COL16A1: variants seen among roughly 807,000 people sequenced by gnomAD.
The protein encoded by COL16A1 is collagen type XVI alpha 1 chain.
Under a neutral mutation model 266.3 loss-of-function variants are expected in COL16A1, and 189 were observed. The ratio of observed to expected loss-of-function variants is 0.71; its 90% CI spans 0.63 to 0.80. The LOEUF is 0.80. Among genes scored for constraint, COL16A1 ranks in the 30% least tolerant of loss-of-function variants. COL16A1 has a pLI of 0.00. For synonymous variants in COL16A1, 740 were observed against 782.3 expected, an observed-to-expected ratio of 0.95 and a Z score of 0.90; for missense variants, 1,928 against 2,122.4, an observed-to-expected ratio of 0.91 and a Z score of 1.80.
At chr1:31,684,997 G>A (rs1452887329) in intron 29 of COL16A1, 141 bp from the exon 30 acceptor site, 11 of 1,520,342 alleles carry the variant, frequency 7.2e-6, no homozygotes, top group South Asian at 3.5e-5. Context: ...TCTTGCCCAG[G>A]TGCAGAGCAA....
At chr1:31,669,549 C>T (rs1642460522) in intron 49 of COL16A1, among the ~76,000 whole-genome samples, 1 of 151,964 alleles carries the variant, frequency 6.6e-6, no homozygotes, top group Non-Finnish European at 1.5e-5. Context: ...ACGCCCAAAC[C>T]TTTCCATGAC....
chr1:31,698,476 G>A lies in COL16A1; in HGVS notation c.390+7C>T. The A allele has an allele frequency of 6.2e-7, 1 of 1,614,152 alleles. No homozygotes were observed. Among genetic ancestry groups the A allele is most frequent in the Non-Finnish European group, 8.5e-7 (1 of 1,180,000 alleles). On this transcript the variant is annotated splice_region_variant and intron_variant, in intron 5 of 70. Coordinates refer to ENST00000373672, the MANE Select transcript of COL16A1 (RefSeq NM_001856.4). The surrounding 1 kb of genome is among the most constrained non-coding windows in gnomAD (Gnocchi z 4.1). ...TAAGAGGCAATCAGGGCACAGGGGA[G>A]GTTCACCTGTGGATACCCATTTGCA...
rs116790331 is a variant in COL16A1, at chr1:31,653,832, A to T, written c.4534+35T>A. ...ATACTTAGGCCTGCCCCAAAGAATT[A>T]CATGTGTCCCTTGGGAACTGTAGGG... On this transcript the variant is annotated intron_variant, in intron 69 of 70. Coordinates refer to ENST00000373672, the MANE Select transcript of COL16A1 (RefSeq NM_001856.4). 6.3e-6 allele frequency: 10 copies of T among 1,590,988 alleles called. No homozygotes were observed. In the African/African-American group the frequency reaches 1.3e-4, roughly 21 times the overall value.
chr1:31,675,059 G>A lies in COL16A1; in HGVS notation c.2827-20C>T. 2 of 1,613,178 alleles carry A rather than the reference G, an allele frequency of 1.2e-6. No homozygotes were observed. The highest frequency in any genetic ancestry group is 2.2e-5 in the South Asian group (2 of 90,782). ...GGATCCCTGCAAGAGACAGATGTGT[G>A]GGCTCAAGCAGGTGAGGGGAAGGAA... On this transcript the variant is annotated intron_variant, in intron 43 of 70. Coordinates refer to ENST00000373672, the MANE Select transcript of COL16A1 (RefSeq NM_001856.4).
rs577434845 is a variant in COL16A1, at chr1:31,701,449, G to T, written c.73+672C>A. On this transcript the variant is annotated intron_variant, in intron 2 of 70. Coordinates refer to ENST00000373672, the MANE Select transcript of COL16A1 (RefSeq NM_001856.4). ...TTTTCTGCTTTTCCTAGCTGGGTTT[G>T]GGTCCTAGGAGTTCTGTTCCTGCTT... 1.4e-5 allele frequency: 14 copies of T among 985,380 alleles called. No homozygotes were observed. The East Asian group carries it at 1.4e-3, about 96-fold the overall frequency. 61.0% of individuals were successfully genotyped at this position (985,380 alleles called of 1,614,324 possible).
At position 31,668,093 on chromosome 1, in the gene COL16A1, G is replaced by A; in HGVS notation, c.3303+72C>T. 7.2e-7 allele frequency: 1 copy of A among 1,394,558 alleles called. No individual in the cohort carries two copies. The highest frequency in any genetic ancestry group is 1.0e-6 in the Non-Finnish European group (1 of 1,002,140). The allele number at this position is 1,394,558 out of a possible 1,614,324, so 86.4% of individuals were successfully genotyped here. ...AGCCCGCCGAGGGTTGCCCAGCCTG[G>A]CTGTGTCCTGACCACCAGCCCAAAC... On this transcript the variant is annotated intron_variant, in intron 51 of 70. Coordinates refer to ENST00000373672, the MANE Select transcript of COL16A1 (RefSeq NM_001856.4). The surrounding 1 kb of genome is among the most constrained non-coding windows in gnomAD (Gnocchi z 5.8).
In COL16A1 at chr1:31,656,333, G is replaced by A. The variant is rs1557605049; in HGVS notation, c.4101+67C>T. On this transcript the variant is annotated intron_variant, in intron 66 of 70. Coordinates refer to ENST00000373672, the MANE Select transcript of COL16A1 (RefSeq NM_001856.4). This position sits in a 1 kb window ranked among gnomAD's most constrained non-coding sequence, Gnocchi z 4.2. ...GTGTCTCCTCTCTGTGGCTAAAGCC[G>A]TAACTTGCAGCTGGGCTTCATCCAC... 26 of 1,584,412 alleles carry A rather than the reference G, an allele frequency of 1.6e-5. No homozygotes were observed. The highest frequency in any genetic ancestry group is 1.7e-4 in the Middle Eastern group (1 of 6,036).
rs1307107912 is a variant in COL16A1 at position 31,664,166 on chromosome 1, AGG to A, written c.3555+1004_3555+1005del. Among the ~76,000 whole-genome samples the A allele has an allele frequency of 5.8e-5, 1 of 17,212 alleles. No individual in the cohort carries two copies. The highest frequency in any genetic ancestry group is 2.7e-3 in the Admixed American group (1 of 366). The allele number at this position is 17,212 out of a possible 152,430, so 11.3% of individuals were successfully genotyped here. A position where few individuals can be genotyped will look rare whatever the true frequency, so the allele number is the denominator to read the frequency against. The stretch of plus-strand genomic sequence containing the variant: ...GTCCTGGGGAGGGGAAGGAAGGGGA[AGG>A]GGAAGGGGAAGGGGAAGGGGAAGGG... On this transcript the variant is annotated intron_variant, in intron 56 of 70. Transcript: ENST00000373672. This position sits in a 1 kb window ranked among gnomAD's most constrained non-coding sequence, Gnocchi z 5.5.
At chr1:31,683,568 C>T (rs1479541149) in intron 34 of COL16A1, 139 bp downstream of exon 34, 56 of 1,567,522 alleles carry the variant, frequency 3.6e-5, no homozygotes, top group Non-Finnish European at 4.3e-5. Flanking sequence ...GCCAGGGCTG[C>T]GGCCTGATCC....
intron 13 of COL16A1, 126 bp from the exon 14 acceptor site, chr1:31,692,934 C>T (rs1557686702): frequency 2.9e-6 from 3 of 1,042,578 alleles, no homozygotes. Context: ...GGCTTCTACA[C>T]CCAAACCCCT....
rs1022723021 is a variant in COL16A1, at chr1:31,661,130, G to C, written c.3772-11C>G. 8.2e-5 allele frequency: 128 copies of C among 1,561,288 alleles called. No individual in the cohort carries two copies. The highest frequency in any genetic ancestry group is 1.1e-4 in the Non-Finnish European group (127 of 1,151,738). On this transcript the variant is annotated splice_polypyrimidine_tract_variant and intron_variant, in intron 60 of 70. Transcript: ENST00000373672. Reference sequence around the variant, plus strand: ...TTTGCCACAGTCACCCTAGAAGAGAGAGGAGCAGCTGGAGCTTACCAGACC... The same window carrying C: ...TTTGCCACAGTCACCCTAGAAGAGACAGGAGCAGCTGGAGCTTACCAGACC...
chr1:31,683,969 G>C lies in COL16A1; in HGVS notation c.2318C>G (p.Pro773Arg). 1 of 1,614,156 alleles carries C rather than the reference G, an allele frequency of 6.2e-7. No homozygotes were observed. Among genetic ancestry groups the C allele is most frequent in the Admixed American group, 1.7e-5 (1 of 60,016 alleles). The stretch of plus-strand genomic sequence containing the variant: ...ACATACCTGCACGCCCTTCAGTCCT[G>C]GGGGCCCTTGAACTCCTGGTAGACC... ...QPGLPGVQGPPGLKGVQGEPG... is the reference protein window; with the variant it reads ...QPGLPGVQGPRGLKGVQGEPG... The change falls in exon 33 of 71, where the codon CCA becomes CGA. Residue 773 changes from proline (P) to arginine (R), a missense_variant. Physicochemically the swap from Pro to Arg is moderately radical, Grantham distance 103 (BLOSUM62 -2). Transcript: ENST00000373672.
Position 31,691,479 on chromosome 1 carries a change from C to T in COL16A1, c.1336G>A (p.Ala446Thr), listed in dbSNP as rs1379903453. The change falls in exon 19 of 71, where the codon GCA (alanine) becomes ACA (threonine). Residue 446 changes from alanine to threonine, a missense_variant. Ala to Thr is a moderately conservative substitution (Grantham distance 58, BLOSUM62 0). Around this residue, in one of 2 missense-constraint regions of COL16A1, gnomAD observed 1,552 missense variants for 1,637.2 expected, o/e 0.95. Coordinates refer to ENST00000373672, the MANE Select transcript of COL16A1 (RefSeq NM_001856.4). ...AGGCCGGGGGGCCCAGGCTCTCCTG[C>T]CAGCCCCTCAGGCCCAACAAAGCCA... ...DPGFVGPEGLAGEPGPPGLPG... is the reference protein window; with the variant it reads ...DPGFVGPEGLTGEPGPPGLPG... The T allele has an allele frequency of 5.0e-6, 8 of 1,613,488 alleles. No individual in the cohort carries two copies. The highest frequency in any genetic ancestry group is 6.8e-6 in the Non-Finnish European group (8 of 1,179,636).
rs1482133150 is a variant in COL16A1, at chr1:31,684,557, C to T, written c.2126G>A (p.Gly709Glu). ...TGRPGLSGEP[G>E]VQGPAGPKGE... ...TTTTGGCCCCGCGGGGCCCTGAACT[C>T]CAGGCTCTCCTGACAGTCCTGGCCG... The change falls in exon 31 of 71, where the codon GGA (glycine) becomes GAA (glutamate). Residue 709 changes from glycine (G) to glutamate (E), a missense_variant. This residue lies in a region of COL16A1 where 1,552 missense variants were observed against 1,637.2 expected (regional missense o/e 0.95). Coordinates refer to ENST00000373672, the MANE Select transcript of COL16A1 (RefSeq NM_001856.4). 1.2e-6 allele frequency: 2 copies of T among 1,613,774 alleles called. No homozygotes were observed. Among genetic ancestry groups the T allele is most frequent in the Non-Finnish European group, 1.7e-6 (2 of 1,179,958 alleles).
rs540273073 is a variant in COL16A1 at position 31,657,326 on chromosome 1, C to T, written c.4021-258G>A. On this transcript the variant is annotated intron_variant, in intron 64 of 70. Coordinates refer to ENST00000373672, the MANE Select transcript of COL16A1 (RefSeq NM_001856.4). This position sits in a 1 kb window ranked among gnomAD's most constrained non-coding sequence, Gnocchi z 6.4. ...ACAAGGGAAGAACAGACCGTGCCTG[C>T]CTTGCTGTGTGCTTGGATCCTGGCA... 1.4e-3 allele frequency: 800 copies of T among 553,482 alleles called. 4 individuals are homozygous for T. The highest frequency in any genetic ancestry group is 0.014 in the African/African-American group (743 of 53,392). The allele number at this position is 553,482 out of a possible 1,614,324, so 34.3% of individuals were successfully genotyped here.
chr1:31,653,973 C>T lies in COL16A1; in HGVS notation c.4428G>A (p.Gly1476=). The T allele has an allele frequency of 6.2e-7, 1 of 1,614,200 alleles. No individual in the cohort carries two copies. Among genetic ancestry groups the T allele is most frequent in the Non-Finnish European group, 8.5e-7 (1 of 1,180,036 alleles). ...CCGGAGCACCATCCTTCCCTGGAGG[C>T]CCTGGTCGTCCCGGAGCTGCCGCCA... The part of the protein sequence containing the change: ...MEMAAAPGRP[G]PPGKDGAPGR... Residue 1476 remains glycine, a synonymous_variant, in exon 69 of 71, where the codon GGG becomes GGA. Coordinates refer to ENST00000373672, the MANE Select transcript of COL16A1 (RefSeq NM_001856.4).
chr1:31,672,344 G>A (rs961034494), intron 47 of COL16A1, 72 bp downstream of exon 47: 24 of 1,568,488 alleles, frequency 1.5e-5, no homozygotes, highest in Non-Finnish European at 1.9e-5. Flanking sequence ...AGGCCTCGGA[G>A]GCCCCCAAGA....
At position 31,698,336 on chromosome 1, in the gene COL16A1, G is replaced by C; in HGVS notation, c.390+147C>G. On this transcript the variant is annotated intron_variant, in intron 5 of 70. Transcript: ENST00000373672. The surrounding 1 kb of genome is among the most constrained non-coding windows in gnomAD (Gnocchi z 4.1). The stretch of plus-strand genomic sequence containing the variant: ...GAGCTATACATCCTGAAAGAATGAG[G>C]TAGGTACTGGTGGGCTGGGGACAGG... 6.6e-7 allele frequency: 1 copy of C among 1,520,388 alleles called. No homozygotes were observed. Among genetic ancestry groups the C allele is most frequent in the Non-Finnish European group, 8.9e-7 (1 of 1,128,380 alleles). The allele number at this position is 1,520,388 out of a possible 1,614,324, so 94.2% of individuals were successfully genotyped here.
At chr1:31,653,260 A>G (rs1640787821) in intron 70 of COL16A1, among the ~76,000 whole-genome samples, 1 of 152,232 alleles carries the variant, frequency 6.6e-6, no homozygotes, top group South Asian at 2.1e-4. Flanking sequence ...TTCATCGTAG[A>G]GAGCACTTCC....
Sources: allele counts gnomAD v4.1 joint callset (sites outside exome capture counted in the v4.1 genomes callset), GRCh38; gene constraint gnomAD v4.1.1; regional missense constraint gnomAD v4.1.1; non-coding constraint Gnocchi (gnomAD v3.1); transcripts MANE v1.5; gene names NCBI Gene and HGNC (gene_info 2026-07-23, HGNC 2026-07-21).